PPIG: variants seen among roughly 807,000 people sequenced by gnomAD.
PPIG encodes the protein peptidylprolyl isomerase G, also known as peptidyl-prolyl cis-trans isomerase G.
Under a neutral mutation model 87.9 loss-of-function variants are expected in PPIG, and 26 were observed. That is an observed-to-expected ratio of 0.30 (90% CI 0.22 to 0.41). The LOEUF (loss-of-function observed/expected upper bound fraction) is 0.41. PPIG is among the 10% of genes least tolerant of loss of function. The pLI is 1.00. For missense variants in PPIG, 722 were observed against 879.4 expected, an observed-to-expected ratio of 0.82 and a Z score of 2.26; for synonymous variants, 308 against 276.5, an observed-to-expected ratio of 1.11 and a Z score of -1.13.
intron 5 of PPIG, 22 bp from the exon 6 acceptor site, chr2:169,607,080 TAA>T: frequency 2.7e-6 from 4 of 1,501,240 alleles, no homozygotes; most frequent in Non-Finnish European, 3.7e-6. Flanking sequence ...CTGAGAGTTA[TAA>T]GAGTATGTTT....
chr2:169,633,869 T>C (rs1686120391), intron 12 of PPIG, among the ~76,000 whole-genome samples: 1 of 151,266 alleles, frequency 6.6e-6, no homozygotes, highest in African/African-American at 2.4e-5. Flanking sequence ...CTCAGTTTGT[T>C]GCCCAGACTG....
chr2:169,609,520 C>T (rs183577025), intron 7 of PPIG, among the ~76,000 whole-genome samples: 246 of 152,246 alleles, frequency 1.6e-3, no homozygotes, highest in African/African-American at 5.6e-3. Flanking sequence ...AATTGTTCTG[C>T]TAATGTTTTG....
Position 169,584,429 on chromosome 2 carries a change from C to A in PPIG, c.-131C>A. 2.1e-6 allele frequency: 1 copy of A among 471,014 alleles called. No homozygotes were observed. The highest frequency in any genetic ancestry group is 4.4e-6 in the Non-Finnish European group (1 of 227,030). 29.2% of individuals were successfully genotyped at this position (471,014 alleles called of 1,614,324 possible). On this transcript the variant is annotated 5_prime_UTR_variant, in exon 1 of 14. Transcript: ENST00000260970. ...CGGGCTTTAGCGCCTTTTCTGGCGG[C>A]GGTAGATTTGAAGCGCTTCAAAGGA...
At chr2:169,593,107 A>G (rs1455840566) in intron 1 of PPIG, among the ~76,000 whole-genome samples, 1 of 149,566 alleles carries the variant, frequency 6.7e-6, no homozygotes, top group African/African-American at 2.5e-5. Context: ...GTACATTATA[A>G]TGTTAGAAGA....
intron 10 of PPIG, 158 bp from the exon 11 acceptor site, chr2:169,631,608 C>A: frequency 7.1e-7 from 1 of 1,410,398 alleles, no homozygotes. Context: ...GTTGGTTTGT[C>A]AGAGGAATAG....
At position 169,633,243 on chromosome 2, in the gene PPIG, C is replaced by A; in HGVS notation, c.1013C>A (p.Pro338Gln). Reference protein sequence around the residue: ...RSGRKIKGRGPRRYRTPSRSR... With the variant: ...RSGRKIKGRGQRRYRTPSRSR... ...GGCAGGAAAATTAAAGGAAGAGGAC[C>A]AAGGGTAGGTGATTCTTTCCCCAGA... The change falls in exon 12 of 14, where the codon CCA becomes CAA. Residue 338 changes from proline (P) to glutamine (Q), a missense_variant. Transcript: ENST00000260970. 1.9e-6 allele frequency: 3 copies of A among 1,586,184 alleles called. No individual in the cohort carries two copies. Among genetic ancestry groups the A allele is most frequent in the Non-Finnish European group, 2.6e-6 (3 of 1,156,740 alleles).
At chr2:169,628,288 A>G in intron 9 of PPIG, among the ~76,000 whole-genome samples, 1 of 152,150 alleles carries the variant, frequency 6.6e-6, no homozygotes, top group East Asian at 1.9e-4. Flanking sequence ...GTTCCTTAGA[A>G]ACATAACTGG....
intron 1 of PPIG, among the ~76,000 whole-genome samples, chr2:169,601,020 T>C (rs931415234): frequency 6.6e-6 from 1 of 152,198 alleles, no homozygotes; most frequent in African/African-American, 2.4e-5. Context: ...GTTTGGTATA[T>C]ATAGTATTTT....
intron 9 of PPIG, among the ~76,000 whole-genome samples, chr2:169,617,819 T>G (rs1417050182): frequency 2.0e-5 from 3 of 152,196 alleles, no homozygotes; most frequent in African/African-American, 7.2e-5. Context: ...TTTGACTTCC[T>G]CTCTTCCTAT....
intron 9 of PPIG, among the ~76,000 whole-genome samples, chr2:169,615,658 A>T (rs991661062): frequency 1.3e-5 from 2 of 152,308 alleles, no homozygotes; most frequent in East Asian, 3.9e-4. Context: ...ATAGTATTCC[A>T]TTGTGTATAT....
intron 12 of PPIG, among the ~76,000 whole-genome samples, chr2:169,635,754 C>T (rs1352353715): frequency 6.6e-6 from 1 of 152,168 alleles, no homozygotes; most frequent in Non-Finnish European, 1.5e-5. Context: ...GGTTAGGACT[C>T]TTCCATGGAG....
chr2:169,622,009 C>G (rs147435089), intron 9 of PPIG, among the ~76,000 whole-genome samples: 1,523 of 151,920 alleles, frequency 0.01, 26 homozygotes, highest in African/African-American at 0.035. Flanking sequence ...ATCACTTGAG[C>G]CCAGGAGTTG....
chr2:169,587,953 C>G (rs949674446), intron 1 of PPIG, among the ~76,000 whole-genome samples: 3 of 151,900 alleles, frequency 2.0e-5, no homozygotes, highest in Non-Finnish European at 4.4e-5. Flanking sequence ...GTCGGGAGTT[C>G]CAGACCAGCC....
At chr2:169,589,116 G>A (rs962889173) in intron 1 of PPIG, among the ~76,000 whole-genome samples, 8 of 152,178 alleles carry the variant, frequency 5.3e-5, no homozygotes, top group South Asian at 4.1e-4. Flanking sequence ...TAGTAAGTGC[G>A]TAATATCCTT....
At chr2:169,623,177 T>C (rs1685801603) in intron 9 of PPIG, among the ~76,000 whole-genome samples, 1 of 152,136 alleles carries the variant, frequency 6.6e-6, no homozygotes. Context: ...TAATAAAAGC[T>C]GCATCCCCTG....
intron 9 of PPIG, among the ~76,000 whole-genome samples, chr2:169,618,207 T>C (rs1685652427): frequency 6.6e-6 from 1 of 152,216 alleles, no homozygotes; most frequent in South Asian, 2.1e-4. Context: ...TGAAGCTGAC[T>C]TAATCGTGGT....
At chr2:169,607,724 A>G (rs2105491760) in intron 6 of PPIG, among the ~76,000 whole-genome samples, 1 of 152,324 alleles carries the variant, frequency 6.6e-6, no homozygotes, top group Non-Finnish European at 1.5e-5. Flanking sequence ...CTAACCCAAG[A>G]TTGGAAAACA....
intron 1 of PPIG, among the ~76,000 whole-genome samples, chr2:169,601,390 AACTTATATTCTAG>A (rs1332190183): frequency 1.3e-5 from 2 of 152,206 alleles, no homozygotes; most frequent in Non-Finnish European, 2.9e-5. Context: ...CACATCATGG[AACTTATATTCTAG>A]TGAGAGAAGA....
intron 7 of PPIG, among the ~76,000 whole-genome samples, chr2:169,610,697 A>G (rs186767113): frequency 6.6e-6 from 1 of 152,182 alleles, no homozygotes; most frequent in East Asian, 1.9e-4. Context: ...ATACATGTAT[A>G]CATTTTCTCA....
Sources: gnomAD v4.1 joint callset for allele counts (sites outside exome capture counted in the v4.1 genomes callset) on GRCh38, gnomAD v4.1.1 for gene constraint, MANE v1.5 for transcripts, NCBI Gene and HGNC (gene_info 2026-07-23, HGNC 2026-07-21) for gene names.